SULT1C2: variants seen among roughly 807,000 people sequenced by gnomAD.
The protein encoded by SULT1C2 is sulfotransferase family 1C member 2, also known as sulfotransferase 1C2.
Under a neutral mutation model 36.0 loss-of-function variants are expected in SULT1C2, and 27 were observed. That is an observed-to-expected ratio of 0.75 (90% CI 0.55 to 1.03). The LOEUF is 1.03. SULT1C2 is among the 50% of genes least tolerant of loss of function. The pLI, the probability that SULT1C2 is intolerant of heterozygous loss-of-function variation, is 0.00. For missense variants in SULT1C2, 395 were observed against 359.2 expected, an observed-to-expected ratio of 1.10 and a Z score of -0.80; for synonymous variants, 121 against 116.0, an observed-to-expected ratio of 1.04 and a Z score of -0.27.
rs1314683781 is a variant in SULT1C2 at position 108,304,620 on chromosome 2, A to G, written c.422A>G (p.Tyr141Cys). The G allele has an allele frequency of 3.7e-6, 6 of 1,613,720 alleles. No individual in the cohort carries two copies. The East Asian group carries it at 8.9e-5, about 24-fold the overall frequency. ...RNAKDCMVSY[Y>C]HFQRMNHMLP... is the part of the protein sequence containing the mutation. ...GCCAAAGACTGTATGGTTTCCTACTACCATTTCCAAAGGATGAACCACATG... is the reference window on the plus strand; with the variant it reads ...GCCAAAGACTGTATGGTTTCCTACTGCCATTTCCAAAGGATGAACCACATG... The change falls in exon 5 of 8, where the codon TAC (tyrosine) becomes TGC (cysteine). Residue 141 changes from tyrosine (Y) to cysteine (C), a missense_variant. Coordinates refer to ENST00000251481, the MANE Select transcript of SULT1C2 (RefSeq NM_001056.4).
intron 3 of SULT1C2, among the ~76,000 whole-genome samples, chr2:108,296,444 G>C (rs1440440570): frequency 8.0e-6 from 1 of 124,596 alleles, no homozygotes; most frequent in African/African-American, 3.5e-5. Context: ...CAGCTGTGCA[G>C]TGGTCGTTTG....
intron 3 of SULT1C2, among the ~76,000 whole-genome samples, chr2:108,295,950 C>T (rs1676713734): frequency 6.6e-6 from 1 of 152,196 alleles, no homozygotes; most frequent in Non-Finnish European, 1.5e-5. Context: ...AACACCGCCA[C>T]ACCTGGCAAA....
At chr2:108,295,556 G>C (rs181714416) in intron 3 of SULT1C2, among the ~76,000 whole-genome samples, 1 of 152,164 alleles carries the variant, frequency 6.6e-6, no homozygotes, top group South Asian at 2.1e-4. Flanking sequence ...TCCTGACTCC[G>C]TCACTCACCT....
chr2:108,294,073 C>G (rs1482424228), intron 2 of SULT1C2, 156 bp from the exon 3 acceptor site: 4 of 1,394,768 alleles, frequency 2.9e-6, no homozygotes, highest in Non-Finnish European at 3.9e-6. Flanking sequence ...AAGTCCATCC[C>G]TCATGGACTT....
chr2:108,301,032 C>T, intron 4 of SULT1C2, 97 bp downstream of exon 4: 1 of 1,470,998 alleles, frequency 6.8e-7, no homozygotes, highest in East Asian at 2.3e-5. Flanking sequence ...TCACCTTTGC[C>T]TCTCCACTGT....
intron 1 of SULT1C2, among the ~76,000 whole-genome samples, chr2:108,292,917 G>A (rs896275492): frequency 1.6e-4 from 25 of 152,262 alleles, no homozygotes; most frequent in African/African-American, 5.8e-4. Flanking sequence ...GGTGGCTCAC[G>A]CCTGTAATCC....
Position 108,293,836 on chromosome 2 carries a change from G to T in SULT1C2, c.151+18G>T, listed in dbSNP as rs555527818. ...TAAAGCAGGTGATTGCAGGGTAGGA[G>T]GGACAGCAAAGACCTGCTGAGCCAG... On this transcript the variant is annotated intron_variant, in intron 2 of 7. Coordinates refer to ENST00000251481, the MANE Select transcript of SULT1C2 (RefSeq NM_001056.4). The T allele has an allele frequency of 6.2e-7, 1 of 1,611,056 alleles. No individual in the cohort carries two copies. The highest frequency in any genetic ancestry group is 1.7e-5 in the Admixed American group (1 of 59,626).
At position 108,294,336 on chromosome 2, in the gene SULT1C2, C is replaced by G; in HGVS notation, c.259C>G (p.Arg87Gly). Reference sequence around the variant, plus strand: ...CCGCCATCCTTTCATTGAGTGGGCTCGGCCACCCCAACCTTCTGGTGAGAG... The same window carrying G: ...CCGCCATCCTTTCATTGAGTGGGCTGGGCCACCCCAACCTTCTGGTGAGAG... ...QHRHPFIEWA[R>G]PPQPSGVEKA... Residue 87 changes from arginine to glycine, a missense_variant, in exon 3 of 8, where the codon CGG becomes GGG. Arg to Gly is a moderately radical substitution (Grantham distance 125). Transcript: ENST00000251481. The G allele has an allele frequency of 3.1e-6, 5 of 1,613,546 alleles. No individual in the cohort carries two copies. The highest frequency in any genetic ancestry group is 4.2e-6 in the Non-Finnish European group (5 of 1,179,708).
intron 3 of SULT1C2, among the ~76,000 whole-genome samples, chr2:108,295,637 T>C (rs147636768): frequency 1.3e-5 from 2 of 152,224 alleles, no homozygotes; most frequent in African/African-American, 4.8e-5. Context: ...TCAAGGCCTA[T>C]CTCAAAGAGT....
Position 108,308,475 on chromosome 2 carries a change from A to G in SULT1C2, c.*11A>G, listed in dbSNP as rs1325896573. 22 of 1,592,024 alleles carry G rather than the reference A, an allele frequency of 1.4e-5. No homozygotes were observed. Among genetic ancestry groups the G allele is most frequent in the Non-Finnish European group, 1.9e-5 (22 of 1,172,492 alleles). On this transcript the variant is annotated 3_prime_UTR_variant, in exon 8 of 8. Transcript: ENST00000251481. ...TGCATGGAACTCTGAGCAAGATGTA[A>G]ATAAAATTAAAAGGTGGATGGCAAG...
intron 3 of SULT1C2, among the ~76,000 whole-genome samples, chr2:108,297,054 T>C (rs1364851974): frequency 6.6e-6 from 1 of 152,242 alleles, no homozygotes; most frequent in Non-Finnish European, 1.5e-5. Context: ...AAGACCTGTG[T>C]GCATGTGTAT....
intron 3 of SULT1C2, among the ~76,000 whole-genome samples, chr2:108,297,829 TTG>T (rs1234626798): frequency 2.2e-5 from 3 of 134,744 alleles, no homozygotes; most frequent in Non-Finnish European, 3.5e-5. Flanking sequence ...GCAGAAAAAT[TTG>T]GAGTTAGAGC....
intron 3 of SULT1C2, among the ~76,000 whole-genome samples, chr2:108,296,736 C>T (rs1676739898): frequency 6.6e-6 from 1 of 152,216 alleles, no homozygotes; most frequent in Non-Finnish European, 1.5e-5. Context: ...TAGGCGTAAG[C>T]CACCGTGCCC....
In SULT1C2 at chr2:108,293,765, A is replaced by G. The variant is rs1161873982; in HGVS notation, c.98A>G (p.Gln33Arg). Residue 33 changes from glutamine (Q) to arginine (R), a missense_variant, in exon 2 of 8, where the codon CAG becomes CGG. Gln to Arg is a conservative substitution (Grantham distance 43). Transcript: ENST00000251481. The stretch of plus-strand genomic sequence containing the variant: ...ACTGTGGACAACTGGAGCCAGATCC[A>G]GAGCTTCGAGGCCAAACCAGATGAT... ...PATVDNWSQI[Q>R]SFEAKPDDLL... 1 of 1,614,064 alleles carries G rather than the reference A, an allele frequency of 6.2e-7. No individual in the cohort carries two copies. Among genetic ancestry groups the G allele is most frequent in the African/African-American group, 1.3e-5 (1 of 74,934 alleles).
intron 3 of SULT1C2, among the ~76,000 whole-genome samples, chr2:108,294,623 T>A (rs1421957303): frequency 1.3e-5 from 2 of 152,216 alleles, no homozygotes; most frequent in Admixed American, 1.3e-4. Flanking sequence ...CCTTATTTTC[T>A]TCTTAAGCCC....
intron 3 of SULT1C2, chr2:108,299,084 A>C (rs563981774): frequency 6.5e-6 from 1 of 152,822 alleles, no homozygotes; most frequent in African/African-American, 2.4e-5. Context: ...GGTAGCAGAC[A>C]TTTGAGTTTC....
chr2:108,293,048 G>A (rs975954993), intron 1 of SULT1C2, among the ~76,000 whole-genome samples: 9 of 152,064 alleles, frequency 5.9e-5, no homozygotes, highest in South Asian at 2.1e-4. Flanking sequence ...GCATGGTGGC[G>A]GGCACCTGTA....
chr2:108,293,607 CACA>C (rs1330628504), intron 1 of SULT1C2, 37 bp from the exon 2 acceptor site: 8 of 1,529,206 alleles, frequency 5.2e-6, no homozygotes, highest in Non-Finnish European at 6.2e-6. Context: ...TATATTTTAC[CACA>C]ACTTCTTTAA....
chr2:108,304,411 A>G, intron 4 of SULT1C2, 163 bp from the exon 5 acceptor site: 1 of 639,450 alleles, frequency 1.6e-6, no homozygotes, highest in Non-Finnish European at 2.6e-6. Flanking sequence ...GTGACAAAGC[A>G]GAGACAGAAA....
Sources: gnomAD v4.1 joint callset for allele counts (sites outside exome capture counted in the v4.1 genomes callset) on GRCh38, gnomAD v4.1.1 for gene constraint, MANE v1.5 for transcripts, NCBI Gene and HGNC (gene_info 2026-07-23, HGNC 2026-07-21) for gene names.